Variants in MDGA2 observed in about 807,000 individuals in gnomAD.
MDGA2 encodes the protein MAM domain-containing glycosylphosphatidylinositol anchor protein 2.
A neutral mutation model predicts 117.8 loss-of-function variants in MDGA2; 40 were observed. The observed-to-expected ratio is 0.34, with a 90% CI of 0.26 to 0.44. MDGA2 has a LOEUF of 0.44. MDGA2 is among the 20% of genes least tolerant of loss of function. The pLI is 1.00. For synonymous variants in MDGA2, 452 were observed against 439.0 expected, an observed-to-expected ratio of 1.03 and a Z score of -0.37; for missense variants, 1,123 against 1,250.6, an observed-to-expected ratio of 0.90 and a Z score of 1.54.
chr14:47,542,607 T>C (rs1895375422), intron 1 of MDGA2, among the ~76,000 whole-genome samples: 1 of 152,192 alleles, frequency 6.6e-6, no homozygotes, highest in Admixed American at 6.5e-5. Context: ...CTTTACACTC[T>C]AGTATAGTTT....
intron 8 of MDGA2, among the ~76,000 whole-genome samples, chr14:47,016,094 T>C (rs1270015810): frequency 6.6e-6 from 1 of 152,084 alleles, no homozygotes; most frequent in Non-Finnish European, 1.5e-5. Flanking sequence ...AACTTATTTC[T>C]TTAATTGTAT....
intron 1 of MDGA2, among the ~76,000 whole-genome samples, chr14:47,347,302 G>A (rs73255910): frequency 0.04 from 6,158 of 152,222 alleles, 168 homozygotes; most frequent in African/African-American, 0.074. Flanking sequence ...GGTACCTTGA[G>A]GAGACTGAGG....
intron 8 of MDGA2, among the ~76,000 whole-genome samples, chr14:47,030,879 T>C (rs958362309): frequency 1.3e-5 from 2 of 152,166 alleles, no homozygotes; most frequent in African/African-American, 4.8e-5. Context: ...CTGGCAATTG[T>C]AGAAGTTAAA....
chr14:47,225,711 T>C (rs1027074613), intron 2 of MDGA2, among the ~76,000 whole-genome samples: 3 of 152,018 alleles, frequency 2.0e-5, no homozygotes, highest in African/African-American at 7.2e-5. Flanking sequence ...TACCTAATGC[T>C]AAATGACGAG....
chr14:47,638,651 A>C (rs780632912), intron 1 of MDGA2, among the ~76,000 whole-genome samples: 1 of 152,134 alleles, frequency 6.6e-6, no homozygotes, highest in Admixed American at 6.5e-5. Flanking sequence ...TTCAAAATGC[A>C]TCATGAATCT....
chr14:46,907,029 T>G (rs1420128161), intron 10 of MDGA2, among the ~76,000 whole-genome samples: 1 of 139,464 alleles, frequency 7.2e-6, no homozygotes, highest in Non-Finnish European at 1.5e-5. Context: ...CAGAGTGGAG[T>G]GCAGTGGCAC....
At chr14:47,272,457 G>A (rs912098205) in intron 2 of MDGA2, among the ~76,000 whole-genome samples, 3 of 152,090 alleles carry the variant, frequency 2.0e-5, no homozygotes, top group Non-Finnish European at 4.4e-5. Flanking sequence ...GAAGATGGGA[G>A]GGGGAGTTGA....
chr14:46,953,750 CATA>C lies in MDGA2; in HGVS notation c.2089+3621_2089+3623del. 3.3e-5 allele frequency among the ~76,000 whole-genome samples: 5 copies of C among 152,000 alleles called. No individual in the cohort carries two copies. The Middle Eastern group carries it at 0.014, about 414-fold the overall frequency. ...ATGAAGAAAGTGTAGTTAGTGGGAA[CATA>C]ATTAGAATAGCTTAGAACTAACATC... On this transcript the variant is annotated intron_variant, in intron 9 of 16. Coordinates refer to ENST00000399232, the MANE Select transcript of MDGA2 (RefSeq NM_001113498.3).
intron 1 of MDGA2, among the ~76,000 whole-genome samples, chr14:47,476,101 TA>T: frequency 6.6e-6 from 1 of 152,242 alleles, no homozygotes; most frequent in Middle Eastern, 3.4e-3. Flanking sequence ...AAAGCATATA[TA>T]AAAATGTTCA....
chr14:47,183,321 T>C (rs1384280607), intron 3 of MDGA2, among the ~76,000 whole-genome samples: 1 of 152,078 alleles, frequency 6.6e-6, no homozygotes, highest in South Asian at 2.1e-4. Flanking sequence ...AGGCCCATCA[T>C]CTCTTACATT....
At chr14:47,445,670 G>T (rs1055461354) in intron 1 of MDGA2, among the ~76,000 whole-genome samples, 1 of 151,980 alleles carries the variant, frequency 6.6e-6, no homozygotes, top group Admixed American at 6.6e-5. Flanking sequence ...TTACTCATAA[G>T]ACAAAATAAA....
At chr14:46,900,793 A>G (rs966582642) in intron 10 of MDGA2, among the ~76,000 whole-genome samples, 14 of 152,082 alleles carry the variant, frequency 9.2e-5, no homozygotes, top group African/African-American at 3.1e-4. Flanking sequence ...CGCACATGCA[A>G]ACACAGATAC....
At position 47,227,977 on chromosome 14, in the gene MDGA2, C is replaced by T. The variant is rs148785669; in HGVS notation, c.421-9782G>A. ...CAGACTTTTAGCCACCAAGTGCCTG[C>T]TCTCCATCGCCAACATAACACATCC... is the stretch of plus-strand genomic sequence containing the variant. On this transcript the variant is annotated intron_variant, in intron 2 of 16. Coordinates refer to ENST00000399232, the MANE Select transcript of MDGA2 (RefSeq NM_001113498.3). Among the ~76,000 whole-genome samples the T allele has an allele frequency of 4.7e-3, 710 of 152,226 alleles. 7 individuals carry two copies. The highest frequency in any genetic ancestry group is 0.016 in the African/African-American group (675 of 41,530).
At chr14:47,109,258 T>C (rs1036438803) in intron 5 of MDGA2, among the ~76,000 whole-genome samples, 2 of 152,222 alleles carry the variant, frequency 1.3e-5, no homozygotes, top group African/African-American at 2.4e-5. Context: ...GAACTTTCTA[T>C]TTCTTCTACC....
chr14:47,238,259 C>T (rs969168857), intron 2 of MDGA2, among the ~76,000 whole-genome samples: 4 of 152,184 alleles, frequency 2.6e-5, no homozygotes, highest in Non-Finnish European at 4.4e-5. Flanking sequence ...GAAATCAGAA[C>T]ATATATGAAT....
At chr14:47,270,763 G>A (rs1408618786) in intron 2 of MDGA2, among the ~76,000 whole-genome samples, 1 of 151,776 alleles carries the variant, frequency 6.6e-6, no homozygotes, top group African/African-American at 2.4e-5. Context: ...TAGGCTGTAT[G>A]TAAGCGTGCA....
intron 1 of MDGA2, among the ~76,000 whole-genome samples, chr14:47,405,751 G>A (rs965250180): frequency 6.6e-6 from 1 of 152,134 alleles, no homozygotes. Context: ...AAGGCAGTAA[G>A]AGGGAGATTT....
chr14:47,580,128 G>A (rs947418721), intron 1 of MDGA2, among the ~76,000 whole-genome samples: 1 of 151,976 alleles, frequency 6.6e-6, no homozygotes, highest in Non-Finnish European at 1.5e-5. Flanking sequence ...GTTTTTACAT[G>A]TAAATTAATG....
chr14:47,227,113 G>A (rs576614422), intron 2 of MDGA2, among the ~76,000 whole-genome samples: 4 of 152,104 alleles, frequency 2.6e-5, no homozygotes, highest in Non-Finnish European at 5.9e-5. Flanking sequence ...ATATGTTGTA[G>A]GAGATAATAG....
Sources: gnomAD v4.1 joint callset for allele counts (sites outside exome capture counted in the v4.1 genomes callset) on GRCh38, gnomAD v4.1.1 for gene constraint, MANE v1.5 for transcripts, NCBI Gene and HGNC (gene_info 2026-07-23, HGNC 2026-07-21) for gene names.